Variants in MYL9 observed in about 807,000 individuals in gnomAD.
MYL9 encodes myosin regulatory light polypeptide 9.
MYL9 carries 7 observed loss-of-function variants against 12.8 expected under a neutral mutation model. The ratio of observed to expected loss-of-function variants is 0.55; its 90% CI spans 0.31 to 1.03. The LOEUF (loss-of-function observed/expected upper bound fraction) is 1.03, where lower values mean the gene tolerates loss of function less well. Among genes scored for constraint, MYL9 ranks in the 50% least tolerant of loss-of-function variants. The pLI, the probability that MYL9 is intolerant of heterozygous loss-of-function variation, is 0.05. For synonymous variants in MYL9, 81 were observed against 87.8 expected, an observed-to-expected ratio of 0.92 and a Z score of 0.43; for missense variants, 190 against 242.7, an observed-to-expected ratio of 0.78 and a Z score of 1.44.
chr20:36,546,630 C>T (rs950947059), intron 2 of MYL9, among the ~76,000 whole-genome samples: 35 of 151,560 alleles, frequency 2.3e-4, no homozygotes, highest in Admixed American at 8.5e-4. Flanking sequence ...TTTTTTTCCC[C>T]CCGAGACAAA....
At chr20:36,542,115 G>A (rs2038044297) in intron 1 of MYL9, among the ~76,000 whole-genome samples, 1 of 152,134 alleles carries the variant, frequency 6.6e-6, no homozygotes, top group South Asian at 2.1e-4. Flanking sequence ...TGTATGCAGG[G>A]ACCCGGGCCT....
intron 2 of MYL9, among the ~76,000 whole-genome samples, chr20:36,546,440 T>A (rs987161353): frequency 6.6e-6 from 1 of 152,128 alleles, no homozygotes; most frequent in African/African-American, 2.4e-5. Flanking sequence ...AATGGGGCCA[T>A]GACCCTGACA....
rs2038123867 is a variant in MYL9, at chr20:36,548,128, TGAACGGCAC to T, written c.283_291del (p.Asn95_Thr97del). 1.1e-5 allele frequency: 18 copies of T among 1,614,044 alleles called. No homozygotes were observed. Among genetic ancestry groups the T allele is most frequent in the Non-Finnish European group, 1.5e-5 (18 of 1,179,926 alleles). On this transcript the variant is annotated inframe_deletion, in exon 3 of 4. Transcript: ENST00000279022. ...TTCCTCACCATGTTTGGGGAGAAGC[TGAACGGCAC>T]GGACCCCGAGGATGTGATTCGCAAC...
At position 36,549,064 on chromosome 20, in the gene MYL9, C is replaced by G; in HGVS notation, c.347-13C>G. The G allele has an allele frequency of 6.2e-7, 1 of 1,610,134 alleles. No individual in the cohort carries two copies. The highest frequency in any genetic ancestry group is 8.5e-7 in the Non-Finnish European group (1 of 1,178,490). On this transcript the variant is annotated splice_polypyrimidine_tract_variant and intron_variant, in intron 3 of 3. Transcript: ENST00000279022. ...CAAGTTCCTGCTCTCACCCACCCTG[C>G]CCCTGCCCGCAGGTTTCATCCATGA...
At chr20:36,542,119 C>T (rs549336111) in intron 1 of MYL9, among the ~76,000 whole-genome samples, 2 of 152,148 alleles carry the variant, frequency 1.3e-5, no homozygotes, top group South Asian at 2.1e-4. Flanking sequence ...TGCAGGGACC[C>T]GGGCCTTCCC....
chr20:36,545,604 C>CA (rs1322329338), intron 2 of MYL9, among the ~76,000 whole-genome samples: 2 of 151,654 alleles, frequency 1.3e-5, no homozygotes, highest in Non-Finnish European at 2.9e-5. Flanking sequence ...CAGATTTGTG[C>CA]ACTGGGCTGC....
chr20:36,541,744 C>T (rs1417545118), intron 1 of MYL9, among the ~76,000 whole-genome samples, 183 bp downstream of exon 1: 2 of 152,200 alleles, frequency 1.3e-5, no homozygotes, highest in Admixed American at 6.5e-5. Flanking sequence ...TTGCTGGGGG[C>T]CGACAGGGAC....
chr20:36,544,648 T>A (rs571811960), intron 1 of MYL9, among the ~76,000 whole-genome samples: 1 of 152,304 alleles, frequency 6.6e-6, no homozygotes, highest in Non-Finnish European at 1.5e-5. Context: ...CAGTCCCAGA[T>A]GAAGACTCTC....
chr20:36,547,795 T>C (rs1182324351), intron 2 of MYL9, among the ~76,000 whole-genome samples: 2 of 152,230 alleles, frequency 1.3e-5, no homozygotes, highest in Non-Finnish European at 2.9e-5. Flanking sequence ...TACACTTTAG[T>C]GAGCACTGCC....
In MYL9 at chr20:36,548,030, AG is replaced by A. The variant is rs767784256; in HGVS notation, c.186del. 9 of 1,601,032 alleles carry A rather than the reference AG, an allele frequency of 5.6e-6. No individual in the cohort carries two copies. In the East Asian group the frequency reaches 1.8e-4, roughly 32 times the overall value. ...CAGGCTGGAACACCCCACCTGCCAC[AG>A]GGAAGAACCCCACAGACGAATACCT... On this transcript the variant is annotated splice_acceptor_variant, in intron 2 of 3. Coordinates refer to ENST00000279022, the MANE Select transcript of MYL9 (RefSeq NM_006097.5). LOFTEE classifies it high-confidence loss of function.
At chr20:36,548,313 C>T (rs1369343501) in intron 3 of MYL9, 120 bp downstream of exon 3, 1 of 1,335,554 alleles carries the variant, frequency 7.5e-7, no homozygotes, top group Admixed American at 2.9e-5. Context: ...GTCACCAGAA[C>T]TATAAAAGCC....
At chr20:36,544,780 T>C (rs1159059034) in intron 1 of MYL9, 79 bp from the exon 2 acceptor site, 58 of 1,296,548 alleles carry the variant, frequency 4.5e-5, no homozygotes, top group Non-Finnish European at 5.9e-5. Context: ...GCCGAAGTGC[T>C]AAAAGCCAGT....
intron 3 of MYL9, among the ~76,000 whole-genome samples, chr20:36,548,827 G>A (rs888429653): frequency 2.6e-5 from 4 of 152,034 alleles, no homozygotes; most frequent in African/African-American, 7.2e-5. Context: ...GTGACACCTC[G>A]GAGACAGTCC....
chr20:36,545,136 C>A, intron 2 of MYL9, 68 bp downstream of exon 2: 1 of 1,536,342 alleles, frequency 6.5e-7, no homozygotes. Context: ...ATTTACAGGG[C>A]ACCTCCTGTG....
chr20:36,542,566 C>A (rs1471798497), intron 1 of MYL9, among the ~76,000 whole-genome samples: 2 of 152,172 alleles, frequency 1.3e-5, no homozygotes, highest in Admixed American at 1.3e-4. Context: ...ATACACAGAG[C>A]CCTTTCCCAC....
intron 2 of MYL9, among the ~76,000 whole-genome samples, chr20:36,547,340 G>C (rs1600748059): frequency 6.6e-6 from 1 of 152,330 alleles, no homozygotes; most frequent in East Asian, 1.9e-4. Flanking sequence ...CAAGGAAACT[G>C]AGGCTCAGAG....
intron 1 of MYL9, among the ~76,000 whole-genome samples, chr20:36,542,710 C>G (rs569181050): frequency 1.3e-5 from 2 of 152,220 alleles, no homozygotes; most frequent in African/African-American, 4.8e-5. Flanking sequence ...GCCCCTCCCC[C>G]TCTCATGGGC....
chr20:36,544,728 G>A, intron 1 of MYL9, 131 bp from the exon 2 acceptor site: 1 of 663,484 alleles, frequency 1.5e-6, no homozygotes, highest in South Asian at 2.0e-5. Context: ...TGAAGAACTG[G>A]GTGGTGGGAG....
At chr20:36,549,048 G>A (rs1354052746) in intron 3 of MYL9, 29 bp from the exon 4 acceptor site, 2 of 1,604,688 alleles carry the variant, frequency 1.2e-6, no homozygotes, top group Non-Finnish European at 1.7e-6. Context: ...CCAAGTTCCT[G>A]CTCTCACCCA....
Sources: allele counts gnomAD v4.1 joint callset (sites outside exome capture counted in the v4.1 genomes callset), GRCh38; gene constraint gnomAD v4.1.1; transcripts MANE v1.5; gene names NCBI Gene and HGNC (gene_info 2026-07-23, HGNC 2026-07-21).